UNC5D: variants seen among roughly 807,000 people sequenced by gnomAD.
UNC5D encodes unc-5 netrin receptor D.
Under a neutral mutation model 105.4 loss-of-function variants are expected in UNC5D, and 39 were observed. The ratio of observed to expected loss-of-function variants is 0.37; its 90% CI spans 0.29 to 0.48. UNC5D has a LOEUF of 0.48. UNC5D is among the 20% of genes least tolerant of loss of function. The pLI is 0.98. For synonymous variants in UNC5D, 452 were observed against 450.4 expected, an observed-to-expected ratio of 1.00 and a Z score of -0.04; for missense variants, 991 against 1,202.4, an observed-to-expected ratio of 0.82 and a Z score of 2.60.
intron 4 of UNC5D, among the ~76,000 whole-genome samples, chr8:35,632,178 T>C (rs1466453523): frequency 2.0e-5 from 3 of 152,252 alleles, no homozygotes; most frequent in Admixed American, 6.5e-5. Flanking sequence ...TCACTGGATA[T>C]GCATTCATTT....
chr8:35,733,461 A>G (rs1586553860), intron 11 of UNC5D, among the ~76,000 whole-genome samples: 1 of 152,142 alleles, frequency 6.6e-6, no homozygotes, highest in African/African-American at 2.4e-5. Context: ...TGCTGAGAAG[A>G]AGGCCCGTTT....
At chr8:35,633,813 G>A (rs866678681) in intron 4 of UNC5D, among the ~76,000 whole-genome samples, 2 of 152,138 alleles carry the variant, frequency 1.3e-5, no homozygotes, top group African/African-American at 2.4e-5. Context: ...TTCTAGGATC[G>A]TGGAGGCTGA....
intron 1 of UNC5D, among the ~76,000 whole-genome samples, chr8:35,429,386 G>C (rs898994644): frequency 9.2e-5 from 14 of 151,940 alleles, no homozygotes; most frequent in African/African-American, 3.4e-4. Context: ...TGAATAGTCA[G>C]ACTACCACTA....
intron 11 of UNC5D, among the ~76,000 whole-genome samples, chr8:35,734,444 CTT>C (rs1004533076): frequency 9.4e-5 from 14 of 148,348 alleles, no homozygotes; most frequent in African/African-American, 3.5e-4. Context: ...GAGTTTTGCT[CTT>C]GTTGCCCAGG....
At chr8:35,384,231 CAA>C (rs1158648604) in intron 1 of UNC5D, among the ~76,000 whole-genome samples, 1 of 144,604 alleles carries the variant, frequency 6.9e-6, no homozygotes, top group Non-Finnish European at 1.5e-5. Context: ...AAAAAAAAAA[CAA>C]AAAAAAACTA....
At chr8:35,257,383 G>A (rs1804159021) in intron 1 of UNC5D, among the ~76,000 whole-genome samples, 1 of 152,150 alleles carries the variant, frequency 6.6e-6, no homozygotes, top group Non-Finnish European at 1.5e-5. Context: ...AAATGATAGA[G>A]TCTGGCTCTC....
intron 4 of UNC5D, among the ~76,000 whole-genome samples, chr8:35,606,063 C>T (rs1820272570): frequency 6.6e-6 from 1 of 151,486 alleles, no homozygotes; most frequent in African/African-American, 2.4e-5. Flanking sequence ...TCTCGGCTCA[C>T]TGCAACCTCT....
At chr8:35,259,725 A>C (rs1804318516) in intron 1 of UNC5D, among the ~76,000 whole-genome samples, 1 of 151,970 alleles carries the variant, frequency 6.6e-6, no homozygotes, top group Non-Finnish European at 1.5e-5. Context: ...GCGAGAGAGA[A>C]GAGTGCAAAA....
At chr8:35,721,420 C>T (rs1340083097) in intron 8 of UNC5D, 17 of 702,774 alleles carry the variant, frequency 2.4e-5, no homozygotes, top group East Asian at 1.3e-4. Flanking sequence ...TTCAAACTAA[C>T]GCTTTTATTT....
intron 1 of UNC5D, among the ~76,000 whole-genome samples, chr8:35,382,928 G>A (rs372148750): frequency 3.3e-5 from 5 of 152,098 alleles, no homozygotes; most frequent in Non-Finnish European, 5.9e-5. Context: ...TACTTTTCAC[G>A]CAAGTCCCAG....
chr8:35,663,673 AAGAC>A (rs1824250170), intron 4 of UNC5D, among the ~76,000 whole-genome samples: 1 of 152,178 alleles, frequency 6.6e-6, no homozygotes, highest in South Asian at 2.1e-4. Context: ...GGAAGAGAAA[AAGAC>A]AGAAAAAGAG....
intron 4 of UNC5D, among the ~76,000 whole-genome samples, chr8:35,606,045 C>T (rs907814994): frequency 2.1e-4 from 31 of 151,154 alleles, no homozygotes; most frequent in Admixed American, 7.9e-4. Context: ...TGGAGTGCAA[C>T]GGTGTGATCT....
chr8:35,751,855 GT>G (rs774197088), intron 13 of UNC5D, among the ~76,000 whole-genome samples: 2 of 152,148 alleles, frequency 1.3e-5, no homozygotes, highest in African/African-American at 2.4e-5. Context: ...ACGGAGAAGA[GT>G]TTTTGGGAAC....
chr8:35,570,060 A>G lies in UNC5D; in HGVS notation c.466+1819A>G, dbSNP rs58770569. Among the ~76,000 whole-genome samples, 43 of 152,316 alleles carry G rather than the reference A, an allele frequency of 2.8e-4. No individual in the cohort carries two copies. The East Asian group carries it at 7.3e-3, about 26-fold the overall frequency. ...CTGGAAACTTCCAGGGGTTTTGTCC[A>G]GGGAAAAACCTTGTTTTTGCTTACA... On this transcript the variant is annotated intron_variant, in intron 3 of 16. Coordinates refer to ENST00000404895, the MANE Select transcript of UNC5D (RefSeq NM_080872.4).
At chr8:35,602,247 G>T (rs985137461) in intron 4 of UNC5D, among the ~76,000 whole-genome samples, 1 of 152,158 alleles carries the variant, frequency 6.6e-6, no homozygotes, top group Admixed American at 6.5e-5. Context: ...AAGGATATTG[G>T]TCTAAAATTC....
At chr8:35,635,458 C>T (rs1171561668) in intron 4 of UNC5D, among the ~76,000 whole-genome samples, 1 of 152,160 alleles carries the variant, frequency 6.6e-6, no homozygotes, top group East Asian at 1.9e-4. Flanking sequence ...AGGAAACCAG[C>T]TCTGGCTTTG....
intron 1 of UNC5D, among the ~76,000 whole-genome samples, chr8:35,313,309 A>G (rs1402104618): frequency 6.6e-6 from 1 of 152,156 alleles, no homozygotes; most frequent in Non-Finnish European, 1.5e-5. Context: ...CTTTAATATC[A>G]TGATGCTCTG....
intron 16 of UNC5D, among the ~76,000 whole-genome samples, chr8:35,781,436 G>T (rs552963259): frequency 6.6e-6 from 1 of 152,156 alleles, no homozygotes; most frequent in South Asian, 2.1e-4. Flanking sequence ...CTAGGCAGTG[G>T]GTGTGTGTGT....
chr8:35,750,133 T>C (rs1006513673), intron 12 of UNC5D, among the ~76,000 whole-genome samples: 1 of 152,080 alleles, frequency 6.6e-6, no homozygotes, highest in Non-Finnish European at 1.5e-5. Context: ...AACATAACCA[T>C]TTCTTGAGTT....
Sources: allele counts gnomAD v4.1 joint callset (sites outside exome capture counted in the v4.1 genomes callset), GRCh38; gene constraint gnomAD v4.1.1; transcripts MANE v1.5; gene names NCBI Gene and HGNC (gene_info 2026-07-23, HGNC 2026-07-21).